Variants in ERBB4 observed in about 807,000 individuals in gnomAD.
The protein encoded by ERBB4 is receptor tyrosine-protein kinase erbB-4.
A neutral mutation model predicts 158.0 loss-of-function variants in ERBB4; 42 were observed. That is an observed-to-expected ratio of 0.27 (90% CI 0.21 to 0.34). The LOEUF (loss-of-function observed/expected upper bound fraction) is 0.34. ERBB4 is among the 10% of genes least tolerant of loss of function. ERBB4 has a pLI of 1.00. For synonymous variants in ERBB4, 583 were observed against 558.7 expected (o/e 1.04, Z -0.61); for missense variants, 1,333 against 1,624.1 (o/e 0.82, Z 3.08).
intron 2 of ERBB4, among the ~76,000 whole-genome samples, chr2:212,001,394 T>A (rs74400346): frequency 0.033 from 4,959 of 152,260 alleles, 82 homozygotes; most frequent in African/African-American, 0.051. Flanking sequence ...TTCCTTTGAG[T>A]CTATTGATTT....
At chr2:212,189,692 C>G (rs1344202266) in intron 1 of ERBB4, among the ~76,000 whole-genome samples, 1 of 152,146 alleles carries the variant, frequency 6.6e-6, no homozygotes, top group Non-Finnish European at 1.5e-5. Flanking sequence ...AAAATATTGC[C>G]AATTTGAATA....
chr2:211,466,986 T>A (rs1574545673), intron 20 of ERBB4, among the ~76,000 whole-genome samples: 1 of 152,076 alleles, frequency 6.6e-6, no homozygotes, highest in African/African-American at 2.4e-5. Flanking sequence ...AATATAGATT[T>A]TAAAGGTGTA....
intron 19 of ERBB4, among the ~76,000 whole-genome samples, chr2:211,607,357 T>C (rs921792938): frequency 1.3e-5 from 2 of 152,210 alleles, no homozygotes; most frequent in South Asian, 2.1e-4. Flanking sequence ...CTCAGTTCAA[T>C]GAGCTCAGGG....
chr2:212,182,301 A>G (rs2081893337), intron 1 of ERBB4, among the ~76,000 whole-genome samples: 1 of 151,848 alleles, frequency 6.6e-6, no homozygotes, highest in Admixed American at 6.6e-5. Context: ...ATGGTATTGA[A>G]CCCAACTGGT....
At chr2:212,230,510 C>A (rs571528872) in intron 1 of ERBB4, among the ~76,000 whole-genome samples, 1 of 152,210 alleles carries the variant, frequency 6.6e-6, no homozygotes, top group Non-Finnish European at 1.5e-5. Flanking sequence ...CAAACACCAT[C>A]ACAAACATCA....
intron 1 of ERBB4, among the ~76,000 whole-genome samples, chr2:212,279,629 T>C (rs2085676836): frequency 6.6e-6 from 1 of 151,792 alleles, no homozygotes; most frequent in Non-Finnish European, 1.5e-5. Context: ...TTTTAAAAGA[T>C]AGCTTTTGCT....
intron 6 of ERBB4, among the ~76,000 whole-genome samples, chr2:211,723,977 T>C (rs546626619): frequency 6.6e-6 from 1 of 152,204 alleles, no homozygotes; most frequent in Non-Finnish European, 1.5e-5. Context: ...AATGGAACCA[T>C]GACAAAAACT....
At chr2:211,646,552 A>G (rs555665578) in intron 16 of ERBB4, among the ~76,000 whole-genome samples, 2 of 151,788 alleles carry the variant, frequency 1.3e-5, no homozygotes, top group South Asian at 4.1e-4. Flanking sequence ...TTGAAAGCAT[A>G]TAAAAACTGA....
chr2:211,509,686 A>C (rs1326632284), intron 20 of ERBB4, among the ~76,000 whole-genome samples: 1 of 152,150 alleles, frequency 6.6e-6, no homozygotes, highest in African/African-American at 2.4e-5. Context: ...AATATTAAAA[A>C]ATTATGCCTC....
chr2:212,463,074 A>G (rs1004059424), intron 1 of ERBB4, among the ~76,000 whole-genome samples: 2 of 152,100 alleles, frequency 1.3e-5, no homozygotes, highest in African/African-American at 4.8e-5. Context: ...TTAAGTATAG[A>G]GTAGAACAGT....
At chr2:211,916,055 C>T (rs542418755) in intron 3 of ERBB4, among the ~76,000 whole-genome samples, 6 of 151,368 alleles carry the variant, frequency 4.0e-5, no homozygotes, top group African/African-American at 1.5e-4. Context: ...CAGATGTAAT[C>T]GTGTTTAAGT....
chr2:212,249,449 GTTGA>G (rs2084444686), intron 1 of ERBB4, among the ~76,000 whole-genome samples: 9 of 149,160 alleles, frequency 6.0e-5, no homozygotes, highest in African/African-American at 7.4e-5. Flanking sequence ...GAAAAGATAG[GTTGA>G]AACATACAAT....
At chr2:211,680,137 C>T (rs1322011194) in intron 12 of ERBB4, among the ~76,000 whole-genome samples, 1 of 152,122 alleles carries the variant, frequency 6.6e-6, no homozygotes, top group African/African-American at 2.4e-5. Context: ...TAACAATAGT[C>T]TTTAGTGTTA....
At chr2:212,051,278 C>T (rs1206337181) in intron 2 of ERBB4, among the ~76,000 whole-genome samples, 2 of 151,934 alleles carry the variant, frequency 1.3e-5, no homozygotes, top group Non-Finnish European at 2.9e-5. Context: ...AAAGTAATGT[C>T]TTTAAAATAC....
At chr2:212,077,885 G>A (rs2078319438) in intron 2 of ERBB4, among the ~76,000 whole-genome samples, 1 of 151,896 alleles carries the variant, frequency 6.6e-6, no homozygotes, top group South Asian at 2.1e-4. Context: ...AAAGTGCTGG[G>A]TATCTTTTCT....
intron 12 of ERBB4, among the ~76,000 whole-genome samples, chr2:211,680,230 C>G (rs1054366079): frequency 6.6e-6 from 1 of 152,048 alleles, no homozygotes; most frequent in Non-Finnish European, 1.5e-5. Flanking sequence ...GGCTAACCAT[C>G]TTTGTTTCCC....
intron 1 of ERBB4, among the ~76,000 whole-genome samples, chr2:212,437,150 G>A (rs1363901314): frequency 6.6e-6 from 1 of 152,028 alleles, no homozygotes; most frequent in Non-Finnish European, 1.5e-5. Context: ...CTTGCATTGT[G>A]CCCATCCTTG....
At chr2:212,192,915 A>T (rs181865559) in intron 1 of ERBB4, among the ~76,000 whole-genome samples, 144 of 152,274 alleles carry the variant, frequency 9.5e-4, no homozygotes, top group African/African-American at 3.3e-3. Context: ...AAACAACTAA[A>T]GTTGTTTTGT....
intron 3 of ERBB4, among the ~76,000 whole-genome samples, chr2:211,797,420 T>C (rs1389694718): frequency 6.6e-6 from 1 of 152,000 alleles, no homozygotes; most frequent in African/African-American, 2.4e-5. Flanking sequence ...ATGTGTGATT[T>C]CTACACTATT....
Sources: gnomAD v4.1 joint callset for allele counts (sites outside exome capture counted in the v4.1 genomes callset) on GRCh38, gnomAD v4.1.1 for gene constraint, MANE v1.5 for transcripts, NCBI Gene and HGNC (gene_info 2026-07-23, HGNC 2026-07-21) for gene names.